The following CTNNA3 variants were observed in gnomAD, a reference collection of about 807,000 sequenced individuals.
CTNNA3 encodes catenin alpha-3.
CTNNA3 carries 76 observed loss-of-function variants against 95.7 expected under a neutral mutation model. The ratio of observed to expected loss-of-function variants is 0.79; its 90% CI spans 0.66 to 0.96. The LOEUF is 0.96. CTNNA3 is among the 40% of genes least tolerant of loss of function. The pLI is 0.00. For missense variants in CTNNA3, 1,191 were observed against 1,089.8 expected (o/e 1.09, Z -1.31); for synonymous variants, 431 against 374.4 (o/e 1.15, Z -1.74).
At chr10:67,389,739 C>G (rs1408145950) in intron 5 of CTNNA3, among the ~76,000 whole-genome samples, 3 of 151,170 alleles carry the variant, frequency 2.0e-5, no homozygotes, top group Non-Finnish European at 4.4e-5. Flanking sequence ...CAAACTAGAA[C>G]TCAGGATTAA....
chr10:66,403,951 A>G (rs2093038507), intron 11 of CTNNA3, among the ~76,000 whole-genome samples: 1 of 152,164 alleles, frequency 6.6e-6, no homozygotes, highest in Admixed American at 6.6e-5. Context: ...TCTTTGTAAG[A>G]CTGAGAGGCC....
chr10:66,045,266 T>G (rs1352712024), intron 15 of CTNNA3, among the ~76,000 whole-genome samples: 1 of 152,208 alleles, frequency 6.6e-6, no homozygotes, highest in African/African-American at 2.4e-5. Context: ...TACTCTATAC[T>G]GGGAGGAAAT....
intron 1 of CTNNA3, among the ~76,000 whole-genome samples, chr10:67,748,483 A>C (rs1428093478): frequency 6.6e-6 from 1 of 152,202 alleles, no homozygotes; most frequent in Non-Finnish European, 1.5e-5. Flanking sequence ...TCCAACCCAG[A>C]ATTTCATATC....
chr10:66,269,098 A>G (rs180905956), intron 13 of CTNNA3, among the ~76,000 whole-genome samples: 1 of 152,352 alleles, frequency 6.6e-6, no homozygotes, highest in Admixed American at 6.5e-5. Context: ...TAGAAATTTT[A>G]CTAAATGGCT....
chr10:67,423,676 A>G (rs1264160460), intron 5 of CTNNA3, among the ~76,000 whole-genome samples: 2 of 152,216 alleles, frequency 1.3e-5, no homozygotes, highest in African/African-American at 4.8e-5. Context: ...ATGAATCAAC[A>G]ACACAATAGT....
At chr10:66,443,164 C>G (rs921261430) in intron 11 of CTNNA3, among the ~76,000 whole-genome samples, 5 of 152,124 alleles carry the variant, frequency 3.3e-5, no homozygotes, top group Non-Finnish European at 5.9e-5. Flanking sequence ...CGGGGAAGCT[C>G]GAACTGGGTG....
chr10:67,688,010 G>C (rs920990129), intron 1 of CTNNA3, among the ~76,000 whole-genome samples: 3 of 152,088 alleles, frequency 2.0e-5, no homozygotes, highest in Admixed American at 1.3e-4. Flanking sequence ...TAAGATACCA[G>C]GTATCTCCAA....
intron 7 of CTNNA3, among the ~76,000 whole-genome samples, chr10:67,085,405 G>C (rs530307379): frequency 9.9e-5 from 15 of 151,586 alleles, no homozygotes; most frequent in African/African-American, 3.4e-4. Flanking sequence ...AAAAAAATGA[G>C]AGGGACTAAA....
intron 5 of CTNNA3, among the ~76,000 whole-genome samples, chr10:67,391,565 A>G (rs1844487132): frequency 6.6e-6 from 1 of 151,894 alleles, no homozygotes; most frequent in African/African-American, 2.4e-5. Context: ...TTTAAAGTTC[A>G]TATGGAACCA....
rs201306690 is a variant in CTNNA3, at chr10:67,606,917, G to A, written c.232C>T (p.Gln78Ter). 1.8e-5 allele frequency: 29 copies of A among 1,614,076 alleles called. No homozygotes were observed. The highest frequency in any genetic ancestry group is 2.2e-5 in the East Asian group (1 of 44,886). Residue 78 changes from glutamine to a stop codon, truncating the protein, a stop_gained, in exon 3 of 18, where the codon CAG becomes TAG. Coordinates refer to ENST00000433211, the MANE Select transcript of CTNNA3 (RefSeq NM_013266.4). LOFTEE classifies it high-confidence loss of function. Reference protein sequence around the residue: ...NLLDKGEKIAQEATVLKDELT... With the variant: ...NLLDKGEKIA The stretch of plus-strand genomic sequence containing the variant: ...TCATCCTTTAAAACTGTAGCTTCCT[G>A]GGCAATCTTCTCTCCCTTGTCTAAT...
In CTNNA3 at chr10:67,568,999, G is replaced by A. The variant is rs181076508; in HGVS notation, c.293-29330C>T. Among the ~76,000 whole-genome samples the A allele has an allele frequency of 1.6e-4, 24 of 152,176 alleles. No homozygotes were observed. The East Asian group carries it at 3.9e-3, about 25-fold the overall frequency. On this transcript the variant is annotated intron_variant, in intron 3 of 17. Transcript: ENST00000433211. ...TAGCATGCTTCAGGAGACGCAGTTCGTTCTTCATTTGAAAGAGAATGATGA... is the reference window on the plus strand; with the variant it reads ...TAGCATGCTTCAGGAGACGCAGTTCATTCTTCATTTGAAAGAGAATGATGA...
chr10:66,647,054 C>A lies in CTNNA3; in HGVS notation c.1282-25270G>T, dbSNP rs1333457633. Among the ~76,000 whole-genome samples, 3 of 151,892 alleles carry A rather than the reference C, an allele frequency of 2.0e-5. No homozygotes were observed. The East Asian group carries it at 5.8e-4, about 29-fold the overall frequency. On this transcript the variant is annotated intron_variant, in intron 9 of 17. Transcript: ENST00000433211. The stretch of plus-strand genomic sequence containing the variant: ...AAAAAGAATGCGGCTGCACCTCAGA[C>A]TCCATGAGAAGCTTATATGTAAATG...
intron 12 of CTNNA3, among the ~76,000 whole-genome samples, chr10:66,335,261 C>T (rs1436349860): frequency 6.6e-6 from 1 of 152,096 alleles, no homozygotes; most frequent in African/African-American, 2.4e-5. Context: ...ACCTTTGTTC[C>T]ATTGCTGGTG....
intron 9 of CTNNA3, among the ~76,000 whole-genome samples, chr10:66,625,129 C>A (rs142466371): frequency 0.012 from 1,853 of 152,216 alleles, 13 homozygotes; most frequent in South Asian, 0.019. Flanking sequence ...AGTCTTCAAA[C>A]AGGGATATGT....
chr10:66,929,048 A>C (rs1847228815), intron 7 of CTNNA3, among the ~76,000 whole-genome samples: 1 of 152,214 alleles, frequency 6.6e-6, no homozygotes, highest in Non-Finnish European at 1.5e-5. Context: ...GAGGTGTCTG[A>C]ATTACAGTAA....
chr10:67,303,488 T>C (rs1840412961), intron 5 of CTNNA3, among the ~76,000 whole-genome samples: 1 of 152,240 alleles, frequency 6.6e-6, no homozygotes, highest in Non-Finnish European at 1.5e-5. Context: ...AGATCCGGCA[T>C]GCAGGCCTAA....
At position 66,502,445 on chromosome 10, in the gene CTNNA3, CT is replaced by C. The variant is rs1026201749; in HGVS notation, c.1531+18171del. Among the ~76,000 whole-genome samples the C allele has an allele frequency of 9.2e-5, 14 of 152,144 alleles. No homozygotes were observed. The East Asian group carries it at 2.5e-3, about 27-fold the overall frequency. Reference sequence around the variant, plus strand: ...CTATCTACCTCAATAATAACATGCACTTTTTTTCCCATTGGATTTTGCTCTA... The same window carrying C: ...CTATCTACCTCAATAATAACATGCACTTTTTTCCCATTGGATTTTGCTCTA... On this transcript the variant is annotated intron_variant, in intron 11 of 17. Coordinates refer to ENST00000433211, the MANE Select transcript of CTNNA3 (RefSeq NM_013266.4).
intron 7 of CTNNA3, among the ~76,000 whole-genome samples, chr10:67,167,980 C>CA (rs1861853793): frequency 2.6e-5 from 4 of 152,006 alleles, no homozygotes; most frequent in Admixed American, 1.3e-4. Context: ...TTAAAAAATA[C>CA]AAAAAAATTA....
chr10:67,726,391 TATATTATATATTATATC>T lies in CTNNA3; in HGVS notation c.-2+37026_-2+37042del, dbSNP rs1564841066. Among the ~76,000 whole-genome samples, 4 of 29,488 alleles carry T rather than the reference TATATTATATATTATATC, an allele frequency of 1.4e-4. No individual in the cohort carries two copies. In the East Asian group the frequency reaches 4.1e-3, roughly 30 times the overall value. The allele number at this position is 29,488 out of a possible 152,430, so 19.3% of individuals were successfully genotyped here. A position where few individuals can be genotyped will look rare whatever the true frequency, so the allele number is the denominator to read the frequency against. On this transcript the variant is annotated intron_variant, in intron 1 of 17. Transcript: ENST00000684154. The stretch of plus-strand genomic sequence containing the variant: ...ATATGATATTATATATGAAATTATA[TATATTATATATTATATC>T]ATATATAATATTATATATTATATCA...
Sources: gnomAD v4.1 joint callset for allele counts (sites outside exome capture counted in the v4.1 genomes callset) on GRCh38, gnomAD v4.1.1 for gene constraint, MANE v1.5 for transcripts, NCBI Gene and HGNC (gene_info 2026-07-23, HGNC 2026-07-21) for gene names.